The following EFTUD2 variants were observed in gnomAD, a reference collection of about 807,000 sequenced individuals.
EFTUD2 encodes the protein 116 kDa U5 small nuclear ribonucleoprotein component.
A neutral mutation model predicts 114.3 loss-of-function variants in EFTUD2; 9 were observed. That is an observed-to-expected ratio of 0.08 (90% CI 0.05 to 0.14). The LOEUF (loss-of-function observed/expected upper bound fraction) is 0.14. EFTUD2 is among the 10% of genes least tolerant of loss of function. The pLI, the probability that EFTUD2 is intolerant of heterozygous loss-of-function variation, is 1.00. For synonymous variants in EFTUD2, 449 were observed against 462.3 expected (o/e 0.97, Z 0.37); for missense variants, 765 against 1,241.2 (o/e 0.62, Z 5.76).
chr17:44,868,510 G>C, intron 11 of EFTUD2, 160 bp from the exon 12 acceptor site: 1 of 622,366 alleles, frequency 1.6e-6, no homozygotes, highest in South Asian at 2.1e-5. Context: ...GGACACTGAG[G>C]CACAAAGAAG....
intron 16 of EFTUD2, among the ~76,000 whole-genome samples, 185 bp from the exon 17 acceptor site, chr17:44,860,728 T>C (rs2050641576): frequency 6.6e-6 from 1 of 151,748 alleles, no homozygotes; most frequent in Non-Finnish European, 1.5e-5. Flanking sequence ...GCCCCCCAAG[T>C]AGCTGGGACT....
intron 14 of EFTUD2, 22 bp downstream of exon 14, chr17:44,864,908 G>A (rs1319695042): frequency 2.6e-5 from 42 of 1,612,018 alleles, no homozygotes; most frequent in Non-Finnish European, 3.5e-5. Context: ...ACAGAGTTAA[G>A]GGGCCACGAG....
At chr17:44,864,780 AAAAACACC>A (rs1269381189) in intron 14 of EFTUD2, 142 bp downstream of exon 14, 20 of 1,228,708 alleles carry the variant, frequency 1.6e-5, no homozygotes, top group Non-Finnish European at 2.2e-5. Flanking sequence ...AGCAGCTAGG[AAAAACACC>A]AGTGTTCTGC....
chr17:44,885,130 G>T, intron 4 of EFTUD2, 126 bp downstream of exon 4: 1 of 710,706 alleles, frequency 1.4e-6, no homozygotes, highest in South Asian at 1.8e-5. Context: ...ACAAGCTGAA[G>T]GAGAATTTGA....
intron 24 of EFTUD2, 50 bp from the exon 25 acceptor site, chr17:44,853,440 C>G: frequency 6.2e-7 from 1 of 1,611,884 alleles, no homozygotes; most frequent in Non-Finnish European, 8.5e-7. Context: ...AGGCTGGGGG[C>G]CTATAGTCCC....
intron 2 of EFTUD2, among the ~76,000 whole-genome samples, chr17:44,888,694 C>G (rs1036452104): frequency 2.0e-5 from 3 of 152,056 alleles, no homozygotes; most frequent in Non-Finnish European, 2.9e-5. Flanking sequence ...AAAAGAGAAG[C>G]AGTAAGGTTT....
At position 44,875,920 on chromosome 17, in the gene EFTUD2, C is replaced by A. The variant is rs1395719549; in HGVS notation, c.869+14G>T. ...CCTCCGAGGACAGGAAATCCACTCC[C>A]AGGGGTTTTCTACCTTATTAATCCA... On this transcript the variant is annotated intron_variant, in intron 10 of 27. Coordinates refer to ENST00000426333, the MANE Select transcript of EFTUD2 (RefSeq NM_004247.4). 6.2e-7 allele frequency: 1 copy of A among 1,610,892 alleles called. No individual in the cohort carries two copies. The highest frequency in any genetic ancestry group is 1.8e-4 in the Middle Eastern group (1 of 5,506).
intron 14 of EFTUD2, among the ~76,000 whole-genome samples, chr17:44,864,492 T>C (rs533813565): frequency 6.6e-6 from 1 of 152,306 alleles, no homozygotes; most frequent in East Asian, 1.9e-4. Flanking sequence ...CAGGGCAGGA[T>C]CGAGACAGAC....
Position 44,867,969 on chromosome 17 carries a change from A to G in EFTUD2, c.1059-72T>C, listed in dbSNP as rs569812230. On this transcript the variant is annotated intron_variant, in intron 12 of 27. Coordinates refer to ENST00000426333, the MANE Select transcript of EFTUD2 (RefSeq NM_004247.4). ...TCACTGATCCCAAGAGGCATTGTCT[A>G]AGTGCTGAATCTGAACAACAGCCCA... 5.7e-5 allele frequency: 80 copies of G among 1,407,088 alleles called. No homozygotes were observed. The South Asian group carries it at 9.6e-4, about 17-fold the overall frequency. 87.2% of individuals were successfully genotyped at this position (1,407,088 alleles called of 1,614,324 possible).
At chr17:44,858,744 G>C (rs1231950181) in intron 19 of EFTUD2, among the ~76,000 whole-genome samples, 2 of 151,968 alleles carry the variant, frequency 1.3e-5, no homozygotes, top group Non-Finnish European at 2.9e-5. Context: ...TGCCCGGCCT[G>C]GCTATTTTTT....
At chr17:44,892,219 G>C (rs977548097) in intron 2 of EFTUD2, 2 of 152,154 alleles carry the variant, frequency 1.3e-5, no homozygotes, top group Non-Finnish European at 2.9e-5. Context: ...GGGGCACAAT[G>C]GTTCCCCTAT....
At chr17:44,893,584 G>C (rs775931498) in intron 2 of EFTUD2, among the ~76,000 whole-genome samples, 41 of 152,162 alleles carry the variant, frequency 2.7e-4, no homozygotes, top group Non-Finnish European at 5.6e-4. Flanking sequence ...CTAGAGCTCA[G>C]ATTACAAAAC....
chr17:44,858,617 G>C (rs1480178474), intron 19 of EFTUD2, among the ~76,000 whole-genome samples: 1 of 151,806 alleles, frequency 6.6e-6, no homozygotes, highest in Non-Finnish European at 1.5e-5. Context: ...CCACTGCACT[G>C]GGCTGGTTTG....
chr17:44,883,040 C>T (rs1470119239), intron 6 of EFTUD2, 53 bp downstream of exon 6: 1 of 1,564,218 alleles, frequency 6.4e-7, no homozygotes, highest in Non-Finnish European at 8.8e-7. Flanking sequence ...AGAGAGACAT[C>T]TCTATCTGTT....
intron 20 of EFTUD2, among the ~76,000 whole-genome samples, chr17:44,856,859 T>C (rs1214341244): frequency 6.6e-6 from 1 of 152,222 alleles, no homozygotes; most frequent in Non-Finnish European, 1.5e-5. Context: ...GAAACTCCTC[T>C]TGGGAATACC....
intron 10 of EFTUD2, 150 bp from the exon 11 acceptor site, chr17:44,872,720 CAAGA>C (rs2145504477): frequency 1.1e-6 from 1 of 895,092 alleles, no homozygotes; most frequent in Non-Finnish European, 1.6e-6. Flanking sequence ...CAGCCTGGTC[CAAGA>C]AAGTGACATG....
chr17:44,850,307 G>A lies in EFTUD2; in HGVS notation c.*967C>T, dbSNP rs766141544. On this transcript the variant is annotated 3_prime_UTR_variant, in exon 28 of 28. Transcript: ENST00000426333. ...CGGGTGAAGGGTTTGATGCCAAGGG[G>A]CATTATTTCTTTTCTCTCACACAGG... 10 of 1,597,072 alleles carry A rather than the reference G, an allele frequency of 6.3e-6. No homozygotes were observed. The highest frequency in any genetic ancestry group is 8.6e-6 in the Non-Finnish European group (10 of 1,168,100).
In EFTUD2 at chr17:44,872,483, C is replaced by T. The variant is rs759148814; in HGVS notation, c.957G>A (p.Thr319=). Residue 319 remains threonine (T), a synonymous_variant, in exon 11 of 28, where the codon ACG becomes ACA. Coordinates refer to ENST00000426333, the MANE Select transcript of EFTUD2 (RefSeq NM_004247.4). The part of the protein sequence containing the change: ...FSSSQYSICF[T]LGSFAKIYAD... Reference sequence around the variant, plus strand: ...CATAGATCTTGGCAAAGGAGCCCAGCGTGAAGCAGATGCTGTACTGGGAGC... The same window carrying T: ...CATAGATCTTGGCAAAGGAGCCCAGTGTGAAGCAGATGCTGTACTGGGAGC... 2.2e-5 allele frequency: 36 copies of T among 1,613,136 alleles called. No individual in the cohort carries two copies. Among genetic ancestry groups the T allele is most frequent in the South Asian group, 2.2e-4 (20 of 91,072 alleles).
intron 11 of EFTUD2, among the ~76,000 whole-genome samples, chr17:44,869,393 G>A (rs776906516): frequency 2.0e-5 from 3 of 152,094 alleles, no homozygotes; most frequent in African/African-American, 4.8e-5. Context: ...CGACCTTCCT[G>A]GCTCATGCAA....
Sources: allele counts gnomAD v4.1 joint callset (sites outside exome capture counted in the v4.1 genomes callset), GRCh38; gene constraint gnomAD v4.1.1; transcripts MANE v1.5; gene names NCBI Gene and HGNC (gene_info 2026-07-23, HGNC 2026-07-21).